REST: variants seen among roughly 807,000 people sequenced by gnomAD.
REST encodes the protein RE1 silencing transcription factor.
Under a neutral mutation model 30.4 loss-of-function variants are expected in REST, and 1 was observed. The ratio of observed to expected loss-of-function variants is 0.03; its 90% CI spans 0.01 to 0.16. The LOEUF is 0.16. REST is among the 10% of genes least tolerant of loss of function. The pLI is 1.00. For missense variants in REST, 1,259 were observed against 1,329.5 expected (o/e 0.95, Z 0.82); for synonymous variants, 504 against 451.1 (o/e 1.12, Z -1.49).
chr4:56,932,498 G>A lies in REST; in HGVS notation c.*346G>A, dbSNP rs564036650. ...CCTGTTTCACTTTAGTTTATTCTTC[G>A]TTTTTTATTGAGATCTATAAAAAAT... On this transcript the variant is annotated 3_prime_UTR_variant, in exon 4 of 4. Coordinates refer to ENST00000309042, the MANE Select transcript of REST (RefSeq NM_005612.5). 1.1e-4 allele frequency: 18 copies of A among 168,080 alleles called. No individual in the cohort carries two copies. Among genetic ancestry groups the A allele is most frequent in the East Asian group, 1.0e-3 (6 of 6,020 alleles). The allele number at this position is 168,080 out of a possible 1,614,324, so 10.4% of individuals were successfully genotyped here.
Position 56,933,682 on chromosome 4 carries a change from A to C in REST, c.*1530A>C, listed in dbSNP as rs891701163. On this transcript the variant is annotated 3_prime_UTR_variant, in exon 4 of 4. Transcript: ENST00000309042. ...TTGTATGAAAAAGGGCATGTACTCC[A>C]AAACATTTTTGTAGGTTCTTTGGCC... 6.6e-6 allele frequency: 1 copy of C among 152,196 alleles called. No homozygotes were observed. The highest frequency in any genetic ancestry group is 2.4e-5 in the African/African-American group (1 of 41,452). The allele number at this position is 152,196 out of a possible 1,614,324, so 9.4% of individuals were successfully genotyped here. A position where few individuals can be genotyped will look rare whatever the true frequency, so the allele number is the denominator to read the frequency against.
intron 3 of REST, among the ~76,000 whole-genome samples, chr4:56,928,002 A>C (rs1720788337): frequency 6.6e-6 from 1 of 152,260 alleles, no homozygotes; most frequent in Admixed American, 6.5e-5. Flanking sequence ...GCAGAATTTC[A>C]AAACTTTTGC....
chr4:56,911,597 T>G, intron 2 of REST, 61 bp downstream of exon 2: 2 of 1,334,462 alleles, frequency 1.5e-6, no homozygotes, highest in Non-Finnish European at 2.1e-6. Context: ...CTTGAGTGGT[T>G]AGTTAAGTAG....
At chr4:56,919,753 A>AT (rs1720364644) in intron 2 of REST, 34 bp from the exon 3 acceptor site, 1 of 1,336,974 alleles carries the variant, frequency 7.5e-7, no homozygotes, top group Admixed American at 1.8e-5. Flanking sequence ...ATTTCGTGAC[A>AT]TTTAAACACT....
rs112873471 is a variant in REST at position 56,930,042 on chromosome 4, A to T, written c.1184A>T (p.Asp395Val). The change falls in exon 4 of 4, where the codon GAC (aspartate) becomes GTC (valine). Residue 395 changes from aspartate to valine, a missense_variant. Transcript: ENST00000309042. ...NPRQFNCPVC[D>V]YAASKKCNLQ... The stretch of plus-strand genomic sequence containing the variant: ...CGGCAGTTCAATTGCCCTGTATGTG[A>T]CTATGCAGCTTCCAAGAAGTGTAAT... 1 of 1,614,204 alleles carries T rather than the reference A, an allele frequency of 6.2e-7. No homozygotes were observed. The highest frequency in any genetic ancestry group is 8.5e-7 in the Non-Finnish European group (1 of 1,180,024).
intron 3 of REST, among the ~76,000 whole-genome samples, chr4:56,922,928 C>A (rs990773739): frequency 3.9e-5 from 6 of 152,318 alleles, no homozygotes; most frequent in Non-Finnish European, 5.9e-5. Flanking sequence ...TTTAGAATGA[C>A]TACATACTTT....
intron 3 of REST, chr4:56,927,673 T>C: frequency 8.1e-7 from 1 of 1,229,496 alleles, no homozygotes; most frequent in Non-Finnish European, 1.1e-6. Flanking sequence ...GGGTATGTAT[T>C]CAGGTAGAAT....
At chr4:56,921,980 A>C (rs1442516934) in intron 3 of REST, among the ~76,000 whole-genome samples, 4 of 152,144 alleles carry the variant, frequency 2.6e-5, no homozygotes, top group Non-Finnish European at 4.4e-5. Context: ...TGATAATAAG[A>C]CTTGATTATG....
Position 56,933,215 on chromosome 4 carries a change from A to G in REST, c.*1063A>G, listed in dbSNP as rs1223214597. On this transcript the variant is annotated 3_prime_UTR_variant, in exon 4 of 4. Transcript: ENST00000309042. Reference sequence around the variant, plus strand: ...ATACCAACCATCAGTTTTTTTTTTCATGTGTTTTGGTACAGCTAATTCCTA... The same window carrying G: ...ATACCAACCATCAGTTTTTTTTTTCGTGTGTTTTGGTACAGCTAATTCCTA... 6.6e-6 allele frequency: 1 copy of G among 151,390 alleles called. No individual in the cohort carries two copies. The highest frequency in any genetic ancestry group is 1.9e-4 in the East Asian group (1 of 5,178). The allele number at this position is 151,390 out of a possible 1,614,324, so 9.4% of individuals were successfully genotyped here. A position where few individuals can be genotyped will look rare whatever the true frequency, so the allele number is the denominator to read the frequency against.
intron 2 of REST, among the ~76,000 whole-genome samples, chr4:56,912,339 C>CTT (rs11318390): frequency 6.7e-4 from 75 of 112,690 alleles, no homozygotes; most frequent in Middle Eastern, 5.1e-3. Context: ...AAAGTTGAAA[C>CTT]TTTTTTTTTT....
intron 3 of REST, chr4:56,927,769 A>G (rs1720777833): frequency 3.3e-6 from 1 of 307,010 alleles, no homozygotes; most frequent in South Asian, 3.6e-5. Context: ...TTTACATACC[A>G]TATCTATTTG....
At position 56,908,922 on chromosome 4, in the gene REST, G is replaced by A. The variant is rs537365839; in HGVS notation, c.-10+709G>A. 2.6e-5 allele frequency: 4 copies of A among 151,636 alleles called. No individual in the cohort carries two copies. In the East Asian group the frequency reaches 7.8e-4, roughly 30 times the overall value. 9.4% of individuals were successfully genotyped at this position (151,636 alleles called of 1,614,324 possible). A position where few individuals can be genotyped will look rare whatever the true frequency, so the allele number is the denominator to read the frequency against. ...GTGTGGGGGCCCCCTCCGGCGCTCG[G>A]AGCCCGACGCCTCGCGAGGGCGCCC... On this transcript the variant is annotated intron_variant, in intron 1 of 3. Coordinates refer to ENST00000309042, the MANE Select transcript of REST (RefSeq NM_005612.5).
intron 1 of REST, chr4:56,908,978 G>A (rs1242261873): frequency 6.6e-6 from 1 of 151,696 alleles, no homozygotes; most frequent in Non-Finnish European, 1.5e-5. Flanking sequence ...GGCGTTGGGC[G>A]AGCCCCGGGG....
chr4:56,911,970 G>GA (rs369171690), intron 2 of REST, among the ~76,000 whole-genome samples: 21 of 148,672 alleles, frequency 1.4e-4, no homozygotes, highest in Admixed American at 4.7e-4. Flanking sequence ...AAAGAAAACA[G>GA]AAAAAAAAAA....
intron 3 of REST, among the ~76,000 whole-genome samples, chr4:56,924,836 A>G (rs1051837081): frequency 6.6e-6 from 1 of 151,952 alleles, no homozygotes; most frequent in African/African-American, 2.4e-5. Context: ...TATTGCTGGT[A>G]ATGTATTGTA....
intron 3 of REST, among the ~76,000 whole-genome samples, chr4:56,929,546 A>G (rs1203725466): frequency 6.6e-6 from 1 of 152,236 alleles, no homozygotes; most frequent in Non-Finnish European, 1.5e-5. Context: ...TCCAGAGCCC[A>G]ATTGAACTTT....
chr4:56,931,933 G>A lies in REST; in HGVS notation c.3075G>A (p.Glu1025=). ...GTGACCTAAGTGACAACATGTCAGA[G>A]GGTAGTGATGATTCTGGATTGCATG... The part of the protein sequence containing the change: ...EGSDLSDNMS[E]GSDDSGLHGA... The change falls in exon 4 of 4, where the codon GAG becomes GAA. Residue 1025 remains glutamate (E), a synonymous_variant. Transcript: ENST00000309042. The A allele has an allele frequency of 6.2e-7, 1 of 1,614,222 alleles. No individual in the cohort carries two copies. The highest frequency in any genetic ancestry group is 8.5e-7 in the Non-Finnish European group (1 of 1,180,042).
intron 2 of REST, among the ~76,000 whole-genome samples, chr4:56,919,472 T>C (rs1174343158): frequency 6.6e-6 from 1 of 152,238 alleles, no homozygotes; most frequent in African/African-American, 2.4e-5. Flanking sequence ...GCTTTGTACC[T>C]TATCAAGATA....
chr4:56,912,226 A>T (rs1276452142), intron 2 of REST, among the ~76,000 whole-genome samples: 2 of 152,182 alleles, frequency 1.3e-5, no homozygotes, highest in African/African-American at 4.8e-5. Context: ...ATTATCACCA[A>T]TTGAAACTAT....
Sources: allele counts gnomAD v4.1 joint callset (sites outside exome capture counted in the v4.1 genomes callset), GRCh38; gene constraint gnomAD v4.1.1; transcripts MANE v1.5; gene names NCBI Gene and HGNC (gene_info 2026-07-23, HGNC 2026-07-21).